The following EPPK1 variants were observed in gnomAD, a reference collection of about 807,000 sequenced individuals.
EPPK1 encodes epiplakin.
For missense variants in EPPK1, 3,823 were observed against 3,673.3 expected (o/e 1.04, Z -1.05); for synonymous variants, 1,862 against 1,721.2 (o/e 1.08, Z -2.03).
rs35176503 is a variant in EPPK1 at position 143,867,224 on chromosome 8, C to G, written c.6030G>C (p.Gln2010His). ...GGTCGATGACACCCCCCGTGGCCAC[C>G]TGCACCTCCAGCAGCCTCAGTGCCT... ...KAEALRLLEVQVATGGVIDPQ... is the reference protein window; with the variant it reads ...KAEALRLLEVHVATGGVIDPQ... Residue 2010 changes from glutamine (Q) to histidine (H), a missense_variant, in exon 2 of 2, where the codon CAG (glutamine) becomes CAC (histidine). Gln to His is a conservative substitution (Grantham distance 24). Transcript: ENST00000615648. The G allele has an allele frequency of 1.3e-5, 21 of 1,612,796 alleles. No homozygotes were observed. The highest frequency in any genetic ancestry group is 1.8e-5 in the Non-Finnish European group (21 of 1,179,836).
Position 143,867,379 on chromosome 8 carries a change from G to C in EPPK1, c.5875C>G (p.Leu1959Val), listed in dbSNP as rs1299168217. 11 of 1,612,828 alleles carry C rather than the reference G, an allele frequency of 6.8e-6. No homozygotes were observed. The highest frequency in any genetic ancestry group is 2.5e-6 in the Non-Finnish European group (3 of 1,179,890). ...LSVDEAVDVG[L>V]VNEELRERLL... ...CTCTCCCGCAGCTCCTCGTTCACCA[G>C]GCCCACATCCACAGCCTCATCCACA... Residue 1959 changes from leucine (L) to valine (V), a missense_variant, in exon 2 of 2, where the codon CTG becomes GTG. Coordinates refer to ENST00000615648, the MANE Select transcript of EPPK1 (RefSeq NM_031308.4).
rs1315206324 is a variant in EPPK1 at position 143,866,480 on chromosome 8, C to T, written c.6774G>A (p.Thr2258=). ...CCTGCGCCTCCAGCAGCACCAGGGC[C>T]GTGCCGGGCCGCAGCACGCCCTTCC... The part of the protein sequence containing the change: ...AMWKGVLRPG[T]ALVLLEAQAA... The change falls in exon 2 of 2, where the codon ACG becomes ACA. Residue 2258 remains threonine, a synonymous_variant. Transcript: ENST00000615648. The T allele has an allele frequency of 1.8e-4, 279 of 1,520,128 alleles. No individual in the cohort carries two copies. Among genetic ancestry groups the T allele is most frequent in the Non-Finnish European group, 2.2e-4 (250 of 1,135,644 alleles). The allele number at this position is 1,520,128 out of a possible 1,614,324, so 94.2% of individuals were successfully genotyped here. A position where few individuals can be genotyped will look rare whatever the true frequency, so the allele number is the denominator to read the frequency against.
chr8:143,867,229 C>T lies in EPPK1; in HGVS notation c.6025G>A (p.Val2009Met). The T allele has an allele frequency of 1.9e-6, 3 of 1,612,772 alleles. No individual in the cohort carries two copies. The highest frequency in any genetic ancestry group is 2.2e-5 in the East Asian group (1 of 44,888). Reference protein sequence around the residue: ...EKAEALRLLEVQVATGGVIDP... With the variant: ...EKAEALRLLEMQVATGGVIDP... Reference sequence around the variant, plus strand: ...ATGACACCCCCCGTGGCCACCTGCACCTCCAGCAGCCTCAGTGCCTCCGCC... The same window carrying T: ...ATGACACCCCCCGTGGCCACCTGCATCTCCAGCAGCCTCAGTGCCTCCGCC... The change falls in exon 2 of 2, where the codon GTG becomes ATG. Residue 2009 changes from valine to methionine, a missense_variant. Transcript: ENST00000615648.
Position 143,869,565 on chromosome 8 carries a change from G to A in EPPK1, c.3689C>T (p.Ala1230Val). ...EALAQGTQSP[A>V]QVAEQPAVKA... ...CACCGCCGGCTGCTCGGCGACCTGG[G>A]CGGGCGACTGCGTGCCCTGAGCCAG... is the stretch of plus-strand genomic sequence containing the variant. The change falls in exon 2 of 2, where the codon GCC becomes GTC. Residue 1230 changes from alanine (A) to valine (V), a missense_variant. Physicochemically the swap from Ala to Val is moderately conservative, Grantham distance 64 (BLOSUM62 0). Coordinates refer to ENST00000615648, the MANE Select transcript of EPPK1 (RefSeq NM_031308.4). The A allele has an allele frequency of 6.4e-7, 1 of 1,558,528 alleles. No homozygotes were observed. The highest frequency in any genetic ancestry group is 8.7e-7 in the Non-Finnish European group (1 of 1,153,468).
chr8:143,867,450 G>A lies in EPPK1; in HGVS notation c.5804C>T (p.Ala1935Val). Residue 1935 changes from alanine (A) to valine (V), a missense_variant, in exon 2 of 2, where the codon GCC (alanine) becomes GTC (valine). Coordinates refer to ENST00000615648, the MANE Select transcript of EPPK1 (RefSeq NM_031308.4). ...AFATWLLEAQ[A>V]ATGFLLDPCT... is the part of the protein sequence containing the mutation. ...GGGGTCCAGGAGGAACCCGGTGGCG[G>A]CCTGCGCCTCCAGCAGCCAAGTCGC... 1 of 1,612,618 alleles carries A rather than the reference G, an allele frequency of 6.2e-7. No individual in the cohort carries two copies. The highest frequency in any genetic ancestry group is 1.6e-4 in the Middle Eastern group (1 of 6,062).
At chr8:143,878,111 C>T (rs1259329560) in intron 1 of EPPK1, among the ~76,000 whole-genome samples, 1 of 152,020 alleles carries the variant, frequency 6.6e-6, no homozygotes, top group Non-Finnish European at 1.5e-5. Flanking sequence ...GCTGGGCCTG[C>T]GAGACCCCCG....
chr8:143,875,869 C>T (rs1389088126), intron 1 of EPPK1, among the ~76,000 whole-genome samples: 3 of 152,224 alleles, frequency 2.0e-5, no homozygotes, highest in Non-Finnish European at 2.9e-5. Context: ...CACTCCAGAA[C>T]GTGGCTTCCC....
In EPPK1 at chr8:143,870,824, G is replaced by T. The variant is rs1554660933; in HGVS notation, c.2430C>A (p.Thr810=). Residue 810 remains threonine (T), a synonymous_variant, in exon 2 of 2, where the codon ACC becomes ACA. Transcript: ENST00000615648. This position sits in a 1 kb window ranked among gnomAD's most constrained non-coding sequence, Gnocchi z 5.2. ...STQSPLVDSA[T]QQAFQNLLLS... ...GCAGCAGGTTCTGGAAGGCCTGCTG[G>T]GTGGCACTGTCCACCAGCGGGGACT... is the stretch of plus-strand genomic sequence containing the variant. 1 of 1,612,816 alleles carries T rather than the reference G, an allele frequency of 6.2e-7. No homozygotes were observed. Among genetic ancestry groups the T allele is most frequent in the Non-Finnish European group, 8.5e-7 (1 of 1,179,864 alleles).
chr8:143,875,554 TG>T (rs1377251671), intron 1 of EPPK1, among the ~76,000 whole-genome samples: 2 of 152,360 alleles, frequency 1.3e-5, no homozygotes, highest in East Asian at 3.9e-4. Flanking sequence ...GTCAGGTGGC[TG>T]GGAAGACGTG....
In EPPK1 at chr8:143,872,912, G is replaced by A. The variant is rs554583014; in HGVS notation, c.342C>T (p.Ala114=). ...GATAGCCCGTAGTGGCACGCTCAGC[G>A]GCCAGCAGCTTCTCCTTCAGCTCCA... The part of the protein sequence containing the change: ...VGLELKEKLL[A]AERATTGYPD... The change falls in exon 2 of 2, where the codon GCC becomes GCT. Residue 114 remains alanine, a synonymous_variant. Transcript: ENST00000615648. 12 of 1,607,656 alleles carry A rather than the reference G, an allele frequency of 7.5e-6. No individual in the cohort carries two copies. Among genetic ancestry groups the A allele is most frequent in the Middle Eastern group, 3.3e-4 (2 of 6,032 alleles).
At position 143,867,586 on chromosome 8, in the gene EPPK1, T is replaced by G; in HGVS notation, c.5668A>C (p.Lys1890Gln). ...GQALSTLECVKPYLEGSGCIA... is the reference protein window; with the variant it reads ...GQALSTLECVQPYLEGSGCIA... ...CAGCCGCTGCCTTCCAGATAGGGCT[T>G]CACACACTCCAGCGTGCTGAGTGCC... The change falls in exon 2 of 2, where the codon AAG becomes CAG. Residue 1890 changes from lysine (K) to glutamine (Q), a missense_variant. By Grantham distance (53) the Lys-to-Gln change is moderately conservative (BLOSUM62 1). Transcript: ENST00000615648. 6.2e-7 allele frequency: 1 copy of G among 1,613,060 alleles called. No homozygotes were observed. The highest frequency in any genetic ancestry group is 8.5e-7 in the Non-Finnish European group (1 of 1,179,856).
At chr8:143,878,404 G>GCCGCACCTGCCCGCACCTGC (rs1554662614) in intron 1 of EPPK1, 34 bp downstream of exon 1, 1 of 67,418 alleles carries the variant, frequency 1.5e-5, no homozygotes, top group African/African-American at 6.0e-5. Context: ...GCCCGCACCC[G>GCCGCACCTGCCCGCACCTGC]CCGCACCCGC....
chr8:143,872,767 G>T lies in EPPK1; in HGVS notation c.487C>A (p.Pro163Thr). 1 of 1,583,876 alleles carries T rather than the reference G, an allele frequency of 6.3e-7. No homozygotes were observed. Among genetic ancestry groups the T allele is most frequent in the Non-Finnish European group, 8.6e-7 (1 of 1,161,304 alleles). ...GGGGCCACGAGCACTCCCTGGGCGGGGTCCACCAGGCCCCCAGTGGCCAGT... is the reference window on the plus strand; with the variant it reads ...GGGGCCACGAGCACTCCCTGGGCGGTGTCCACCAGGCCCCCAGTGGCCAGT... ...VQLATGGLVD[P>T]AQGVLVAPEP... is the part of the protein sequence containing the mutation. Residue 163 changes from proline to threonine, a missense_variant, in exon 2 of 2, where the codon CCC (proline) becomes ACC (threonine). Pro to Thr is a conservative substitution (Grantham distance 38). Transcript: ENST00000615648.
chr8:143,873,458 C>T (rs1318992815), intron 1 of EPPK1, among the ~76,000 whole-genome samples, 160 bp from the exon 2 acceptor site: 2 of 152,110 alleles, frequency 1.3e-5, no homozygotes, highest in East Asian at 3.9e-4. Flanking sequence ...CAGGAGCACT[C>T]TGCCGCGGGG....
At position 143,872,293 on chromosome 8, in the gene EPPK1, C is replaced by A; in HGVS notation, c.961G>T (p.Ala321Ser). The A allele has an allele frequency of 6.2e-7, 1 of 1,603,080 alleles. No homozygotes were observed. The highest frequency in any genetic ancestry group is 8.5e-7 in the Non-Finnish European group (1 of 1,174,788). ...PMGTALPLLE[A>S]QAATHTLVDP... The stretch of plus-strand genomic sequence containing the variant: ...ACCAGGGTGTGGGTGGCAGCCTGGG[C>A]CTCTAGGAGTGGCAGCGCGGTGCCC... The change falls in exon 2 of 2, where the codon GCC (alanine) becomes TCC (serine). Residue 321 changes from alanine (A) to serine (S), a missense_variant. Physicochemically the swap from Ala to Ser is moderately conservative, Grantham distance 99. Coordinates refer to ENST00000615648, the MANE Select transcript of EPPK1 (RefSeq NM_031308.4).
rs181215404 is a variant in EPPK1, at chr8:143,867,491, G to A, written c.5763C>T (p.Leu1921=). 7,895 of 1,612,680 alleles carry A rather than the reference G, an allele frequency of 4.9e-3. 41 individuals are homozygous for A. The highest frequency in any genetic ancestry group is 5.0e-3 in the Non-Finnish European group (5,945 of 1,179,856). ...GCCAAGTCGCAAATGCTGCAGGGAT[G>A]AGCTCCTTCCTGCTGGCCTCATGGA... ...MSLHEASRKE[L]IPAAFATWLL... is the part of the protein sequence containing the mutation. The change falls in exon 2 of 2, where the codon CTC becomes CTT. Residue 1921 remains leucine, a synonymous_variant. Coordinates refer to ENST00000615648, the MANE Select transcript of EPPK1 (RefSeq NM_031308.4).
At position 143,866,963 on chromosome 8, in the gene EPPK1, G is replaced by T; in HGVS notation, c.6291C>A (p.Asp2097Glu). ...CTGCCTCCAGGGCCCTTCTCGTCTCGTCATCGATGTGCTCGGAGTCCCGTG... is the reference window on the plus strand; with the variant it reads ...CTGCCTCCAGGGCCCTTCTCGTCTCTTCATCGATGTGCTCGGAGTCCCGTG... The part of the protein sequence containing the change: ...KAARDSEHID[D>E]ETRRALEAEQ... The change falls in exon 2 of 2, where the codon GAC (aspartate) becomes GAA (glutamate). Residue 2097 changes from aspartate to glutamate, a missense_variant. Coordinates refer to ENST00000615648, the MANE Select transcript of EPPK1 (RefSeq NM_031308.4). 2 of 1,612,690 alleles carry T rather than the reference G, an allele frequency of 1.2e-6. No individual in the cohort carries two copies. The highest frequency in any genetic ancestry group is 1.1e-5 in the South Asian group (1 of 91,070).
rs1563882279 is a variant in EPPK1 at position 143,868,479 on chromosome 8, C to T, written c.4775G>A (p.Arg1592Lys). 1 of 1,611,970 alleles carries T rather than the reference C, an allele frequency of 6.2e-7. No individual in the cohort carries two copies. Among genetic ancestry groups the T allele is most frequent in the Non-Finnish European group, 8.5e-7 (1 of 1,179,606 alleles). Reference sequence around the variant, plus strand: ...TGTGCCAGGCCGCAGGATGTGCCTCCTCAGGGCCTCTGGGATGCTCATCCT... The same window carrying T: ...TGTGCCAGGCCGCAGGATGTGCCTCTTCAGGGCCTCTGGGATGCTCATCCT... ...QERMSIPEAL[R>K]RHILRPGTAL... The change falls in exon 2 of 2, where the codon AGG (arginine) becomes AAG (lysine). Residue 1592 changes from arginine to lysine, a missense_variant. Coordinates refer to ENST00000615648, the MANE Select transcript of EPPK1 (RefSeq NM_031308.4).
Position 143,859,371 on chromosome 8 carries a change from A to G in EPPK1, c.13883T>C (p.Leu4628Pro), listed in dbSNP as rs1818993622. ...CCGGGCCTGGGCCTGGGCCTGGGCC[A>G]GCAGCGAGGTGAGGGTGGCGCCCAG... ...EELGATLTSL[L>P]AQAQAQARAE... The change falls in exon 2 of 2, where the codon CTG (leucine) becomes CCG (proline). Residue 4628 changes from leucine to proline, a missense_variant. Leu to Pro is a moderately conservative substitution (Grantham distance 98). Coordinates refer to ENST00000615648, the MANE Select transcript of EPPK1 (RefSeq NM_031308.4). 7 of 327,626 alleles carry G rather than the reference A, an allele frequency of 2.1e-5. 1 individual carries two copies. Among genetic ancestry groups the G allele is most frequent in the Non-Finnish European group, 3.7e-5 (7 of 188,244 alleles). The allele number at this position is 327,626 out of a possible 1,614,324, so 20.3% of individuals were successfully genotyped here. A position where few individuals can be genotyped will look rare whatever the true frequency, so the allele number is the denominator to read the frequency against.
Sources: gnomAD v4.1 joint callset for allele counts (sites outside exome capture counted in the v4.1 genomes callset) on GRCh38, gnomAD v4.1.1 for gene constraint, Gnocchi (gnomAD v3.1) non-coding constraint, MANE v1.5 for transcripts, NCBI Gene and HGNC (gene_info 2026-07-23, HGNC 2026-07-21) for gene names.